The following NDUFA10 variants were observed in gnomAD, a reference collection of about 807,000 sequenced individuals.
NDUFA10 encodes the protein NADH:ubiquinone oxidoreductase subunit A10.
NDUFA10 carries 40 observed loss-of-function variants against 47.8 expected under a neutral mutation model. The observed-to-expected ratio is 0.84, with a 90% CI of 0.65 to 1.09. NDUFA10 has a LOEUF of 1.09. Ranked by LOEUF, NDUFA10 falls within the 50% of genes least tolerant of loss-of-function variation. The probability of loss-of-function intolerance (pLI) is 0.00; values close to 1 mark genes in which losing one functional copy is unlikely to be tolerated. For synonymous variants in NDUFA10, 183 were observed against 172.2 expected, an observed-to-expected ratio of 1.06 and a Z score of -0.49; for missense variants, 413 against 451.1, an observed-to-expected ratio of 0.92 and a Z score of 0.76.
chr2:239,963,418 G>GT (rs201009323), intron 9 of NDUFA10, among the ~76,000 whole-genome samples: 2,495 of 152,342 alleles, frequency 0.016, 29 homozygotes, highest in Non-Finnish European at 0.027. Context: ...AGAGAGGGAC[G>GT]TGACTTTCTG....
intron 4 of NDUFA10, 66 bp from the exon 5 acceptor site, chr2:240,014,926 C>G: frequency 1.2e-6 from 2 of 1,608,630 alleles, no homozygotes; most frequent in Non-Finnish European, 1.7e-6. Flanking sequence ...AAACACACTC[C>G]TCCTTGAATA....
chr2:239,964,851 AAAG>A lies in NDUFA10; in HGVS notation c.1000-3668_1000-3666del, dbSNP rs1483704552. Reference sequence around the variant, plus strand: ...AAGGACCAACTGCAGAATTAAGCCCAAAGAACAGAAAGTTGACACCTGAACAAA... The same window carrying A: ...AAGGACCAACTGCAGAATTAAGCCCAAACAGAAAGTTGACACCTGAACAAA... On this transcript the variant is annotated intron_variant, in intron 9 of 9. Transcript: ENST00000252711. Among the ~76,000 whole-genome samples, 4 of 152,196 alleles carry A rather than the reference AAAG, an allele frequency of 2.6e-5. No individual in the cohort carries two copies. The East Asian group carries it at 7.7e-4, about 29-fold the overall frequency.
Position 239,959,042 on chromosome 2 carries a change from G to T in NDUFA10, c.*2076C>A. 1 of 985,474 alleles carries T rather than the reference G, an allele frequency of 1.0e-6. No homozygotes were observed. The highest frequency in any genetic ancestry group is 4.7e-5 in the South Asian group (1 of 21,290). 61.0% of individuals were successfully genotyped at this position (985,474 alleles called of 1,614,324 possible). A position where few individuals can be genotyped will look rare whatever the true frequency, so the allele number is the denominator to read the frequency against. ...CCTCACCTCTTCTTGAGGCTTCTATGTGGAGAGAAGAATTGGACAGTGTTT... is the reference window on the plus strand; with the variant it reads ...CCTCACCTCTTCTTGAGGCTTCTATTTGGAGAGAAGAATTGGACAGTGTTT... On this transcript the variant is annotated 3_prime_UTR_variant, in exon 10 of 10. Transcript: ENST00000252711.
chr2:239,939,209 T>TG (rs1694319013), intron 4 of NDUFA10, among the ~76,000 whole-genome samples: 1 of 152,208 alleles, frequency 6.6e-6, no homozygotes, highest in African/African-American at 2.4e-5. Flanking sequence ...AAGGGAGGCC[T>TG]GGGGGTCTGT....
At chr2:239,915,311 A>ACACACAC (rs1693841191) in intron 4 of NDUFA10, among the ~76,000 whole-genome samples, 1 of 111,276 alleles carries the variant, frequency 9.0e-6, no homozygotes, top group African/African-American at 4.4e-5. Context: ...GACAGAGATA[A>ACACACAC]ACATACACAC....
chr2:239,990,060 TTC>T lies in NDUFA10; in HGVS notation c.999+12_999+13del. On this transcript the variant is annotated intron_variant, in intron 9 of 9. Transcript: ENST00000252711. ...TCATCCACTGGCCAGCTTTCTCCATTTCCACAGTCTTACCTCTCTGAACTGAT... is the reference window on the plus strand; with the variant it reads ...TCATCCACTGGCCAGCTTTCTCCATTCACAGTCTTACCTCTCTGAACTGAT... 1 of 1,581,592 alleles carries T rather than the reference TTC, an allele frequency of 6.3e-7. No individual in the cohort carries two copies. Among genetic ancestry groups the T allele is most frequent in the Non-Finnish European group, 8.7e-7 (1 of 1,150,424 alleles).
chr2:239,992,723 G>A (rs1015917073), intron 8 of NDUFA10, among the ~76,000 whole-genome samples: 1 of 152,158 alleles, frequency 6.6e-6, no homozygotes, highest in Non-Finnish European at 1.5e-5. Flanking sequence ...GCCCAAGCAG[G>A]CGCCAGTCAG....
intron 9 of NDUFA10, among the ~76,000 whole-genome samples, chr2:239,972,791 T>G (rs1695354370): frequency 6.6e-6 from 1 of 152,228 alleles, no homozygotes; most frequent in Admixed American, 6.5e-5. Context: ...CCTTAACTCT[T>G]ATTAGCTGTG....
Position 239,934,948 on chromosome 2 carries a change from C to T in NDUFA10, c.295-39634G>A, listed in dbSNP as rs111415517. Among the ~76,000 whole-genome samples the T allele has an allele frequency of 2.7e-3, 410 of 152,326 alleles. 2 individuals are homozygous for T. The highest frequency in any genetic ancestry group is 9.5e-3 in the African/African-American group (393 of 41,568). ...AGGAGTGTAGTTGGTGCAGCTGCCG[C>T]GTGCCCACCAGCCTGGCCCTCCCCA... On this transcript the variant is annotated intron_variant, in intron 4 of 5. Coordinates refer to the NDUFA10 transcript ENST00000419408.
chr2:239,954,369 G>C (rs1226600982), downstream of NDUFA10, among the ~76,000 whole-genome samples: 1 of 152,274 alleles, frequency 6.6e-6, no homozygotes, highest in Non-Finnish European at 1.5e-5. Context: ...ACCGCCTCAG[G>C]GTTGTGAAAG....
chr2:239,968,495 GTTTCC>G (rs1312432406), intron 9 of NDUFA10, among the ~76,000 whole-genome samples: 1 of 152,230 alleles, frequency 6.6e-6, no homozygotes, highest in Non-Finnish European at 1.5e-5. Flanking sequence ...GTAGTCAACA[GTTTCC>G]TTTCATGAGG....
Position 240,016,927 on chromosome 2 carries a change from C to T in NDUFA10, c.547+1626G>A, listed in dbSNP as rs1210457170. Among the ~76,000 whole-genome samples the T allele has an allele frequency of 6.6e-6, 1 of 152,114 alleles. No individual in the cohort carries two copies. The highest frequency in any genetic ancestry group is 1.9e-4 in the East Asian group (1 of 5,180). ...GGTCCACTGCCCCTGTGCATCCTTC[C>T]CCCTTAGCGGCCCACTAGCCAGGGC... is the stretch of plus-strand genomic sequence containing the variant. On this transcript the variant is annotated intron_variant, in intron 4 of 9. Coordinates refer to ENST00000252711, the MANE Select transcript of NDUFA10 (RefSeq NM_004544.4). The surrounding 1 kb of genome is among the most constrained non-coding windows in gnomAD (Gnocchi z 4.4).
chr2:240,014,214 C>T (rs1697244968), intron 5 of NDUFA10: 1 of 171,336 alleles, frequency 5.8e-6, no homozygotes, highest in Admixed American at 5.5e-5. Context: ...TTCGAGGCCA[C>T]CTAATTAAGA....
intron 4 of NDUFA10, among the ~76,000 whole-genome samples, chr2:239,902,342 CTCCAGCAG>C (rs113432745): frequency 0.85 from 128,197 of 151,428 alleles, 54,302 homozygotes; most frequent in East Asian, 0.99. Context: ...AGACAAAACC[CTCCAGCAG>C]TCCAGCAGTG....
At chr2:240,018,275 C>T in intron 4 of NDUFA10, 2 of 801,740 alleles carry the variant, frequency 2.5e-6, no homozygotes, top group South Asian at 3.5e-5. Flanking sequence ...TAACGGGAGG[C>T]TGTGGGGGCT....
chr2:239,906,124 C>T lies in NDUFA10; in HGVS notation c.295-10810G>A, dbSNP rs1052603664. 5.9e-5 allele frequency among the ~76,000 whole-genome samples: 9 copies of T among 152,106 alleles called. No homozygotes were observed. Among genetic ancestry groups the T allele is most frequent in the Admixed American group, 3.3e-4 (5 of 15,276 alleles). On this transcript the variant is annotated intron_variant, in intron 4 of 5. Transcript: ENST00000419408. This position sits in a 1 kb window ranked among gnomAD's most constrained non-coding sequence, Gnocchi z 4.3. Reference sequence around the variant, plus strand: ...AGATGTGTGCTGAGCTCATGACCTTCGGGGGCTCTGGGCGGGCCCTGCTCT... The same window carrying T: ...AGATGTGTGCTGAGCTCATGACCTTTGGGGGCTCTGGGCGGGCCCTGCTCT...
At chr2:239,941,215 A>C (rs1188624713) in intron 4 of NDUFA10, among the ~76,000 whole-genome samples, 3 of 152,176 alleles carry the variant, frequency 2.0e-5, no homozygotes, top group Non-Finnish European at 2.9e-5. Flanking sequence ...CAAACACACG[A>C]AACAACACAT....
intron 4 of NDUFA10, among the ~76,000 whole-genome samples, chr2:239,920,447 C>T (rs1456634039): frequency 6.6e-6 from 1 of 152,238 alleles, no homozygotes; most frequent in Non-Finnish European, 1.5e-5. Flanking sequence ...GGGACAGGAG[C>T]ATCCGAGGGG....
intron 4 of NDUFA10, among the ~76,000 whole-genome samples, chr2:239,932,847 CTG>C (rs1451033645): frequency 6.6e-6 from 1 of 152,206 alleles, no homozygotes; most frequent in Non-Finnish European, 1.5e-5. Flanking sequence ...TCCCAAAGTG[CTG>C]TGATTACAGG....
Sources: gnomAD v4.1 joint callset for allele counts (sites outside exome capture counted in the v4.1 genomes callset) on GRCh38, gnomAD v4.1.1 for gene constraint, Gnocchi (gnomAD v3.1) non-coding constraint, MANE v1.5 for transcripts, NCBI Gene and HGNC (gene_info 2026-07-23, HGNC 2026-07-21) for gene names.